SH3KBP1: variants seen among roughly 807,000 people sequenced by gnomAD.
SH3KBP1 encodes the protein SH3 domain containing kinase binding protein 1, also known as SH3 domain-containing kinase-binding protein 1.
SH3KBP1 carries 8 observed loss-of-function variants against 50.1 expected under a neutral mutation model. The observed-to-expected ratio is 0.16, with a 90% CI of 0.09 to 0.29. SH3KBP1 has a LOEUF of 0.29. Among genes scored for constraint, SH3KBP1 ranks in the 10% least tolerant of loss-of-function variants. SH3KBP1 has a pLI of 1.00. For synonymous variants in SH3KBP1, 227 were observed against 218.6 expected (o/e 1.04, Z -0.34); for missense variants, 377 against 535.2 (o/e 0.70, Z 2.92).
rs192294768 is a variant in SH3KBP1 at position 19,792,049 on chromosome X, G to A, written c.162+44076C>T. 2.7e-5 allele frequency among the ~76,000 whole-genome samples: 3 copies of A among 110,600 alleles called. No individual in the cohort carries two copies. In the Admixed American group the frequency reaches 2.9e-4, roughly 11 times the overall value. The stretch of plus-strand genomic sequence containing the variant: ...GAAGGAAAAAAAATAAGCTGGAAAG[G>A]GTGTAAGTATGCACATGGATACTCA... On this transcript the variant is annotated intron_variant, in intron 2 of 17. Coordinates refer to ENST00000397821, the MANE Select transcript of SH3KBP1 (RefSeq NM_031892.3).
chrX:19,572,855 A>C (rs1364739236), intron 12 of SH3KBP1, among the ~76,000 whole-genome samples: 1 of 112,093 alleles, frequency 8.9e-6, no homozygotes, highest in Non-Finnish European at 1.9e-5. Flanking sequence ...TTAAGGGACA[A>C]AGGCAGGTTA....
intron 2 of SH3KBP1, among the ~76,000 whole-genome samples, chrX:19,801,749 T>C (rs181273985): frequency 6.3e-5 from 7 of 111,762 alleles, no homozygotes; most frequent in Admixed American, 1.9e-4. Context: ...GTCAATATCA[T>C]GGCATGTAAA....
chrX:19,548,970 A>G (rs193232235), intron 14 of SH3KBP1, among the ~76,000 whole-genome samples: 1 of 112,484 alleles, frequency 8.9e-6, no homozygotes, highest in East Asian at 2.8e-4. Flanking sequence ...ACCCAAGTCA[A>G]TAATTTTAGA....
intron 2 of SH3KBP1, among the ~76,000 whole-genome samples, chrX:19,820,019 T>A (rs1363428752): frequency 8.9e-6 from 1 of 112,145 alleles, no homozygotes; most frequent in Non-Finnish European, 1.9e-5. Context: ...TTGGAGATTT[T>A]CTGATCTTTC....
At chrX:19,642,847 A>C (rs1487206299) in intron 7 of SH3KBP1, among the ~76,000 whole-genome samples, 1 of 111,269 alleles carries the variant, frequency 9.0e-6, no homozygotes, top group Non-Finnish European at 1.9e-5. Flanking sequence ...GTTTAACTAA[A>C]TCCTGATCAG....
At chrX:19,551,854 A>T (rs151319653) in intron 13 of SH3KBP1, among the ~76,000 whole-genome samples, 192 of 111,354 alleles carry the variant, frequency 1.7e-3, no homozygotes, top group African/African-American at 5.9e-3. Context: ...GGATGCAAAA[A>T]GCCACCATCT....
At chrX:19,593,778 G>A (rs1486655838) in intron 10 of SH3KBP1, among the ~76,000 whole-genome samples, 2 of 111,443 alleles carry the variant, frequency 1.8e-5, no homozygotes, top group South Asian at 3.7e-4. Flanking sequence ...TAATCTCCAC[G>A]GTCTCTGATC....
At chrX:19,770,043 T>C (rs1354822547) in intron 2 of SH3KBP1, among the ~76,000 whole-genome samples, 1 of 112,081 alleles carries the variant, frequency 8.9e-6, no homozygotes, top group African/African-American at 3.2e-5. Context: ...AGAAGAACCA[T>C]ATATGGCCAA....
chrX:19,846,912 G>C (rs2068381292), intron 1 of SH3KBP1, among the ~76,000 whole-genome samples: 1 of 111,440 alleles, frequency 9.0e-6, no homozygotes, highest in African/African-American at 3.3e-5. Flanking sequence ...GATAGTAAGG[G>C]GGCAGGTTGG....
At chrX:19,791,536 G>GAAA (rs11410602) in intron 2 of SH3KBP1, among the ~76,000 whole-genome samples, 13 of 76,877 alleles carry the variant, frequency 1.7e-4, no homozygotes, top group African/African-American at 4.8e-4. Flanking sequence ...CCTAGAGAAT[G>GAAA]AAAAAAAAAA....
At chrX:19,594,848 G>A in intron 10 of SH3KBP1, 101 bp downstream of exon 10, 1 of 620,095 alleles carries the variant, frequency 1.6e-6, no homozygotes, top group Non-Finnish European at 2.7e-6. Context: ...TCAATCTATG[G>A]CACTTGAACC....
At chrX:19,757,883 A>C (rs1371148918) in intron 2 of SH3KBP1, among the ~76,000 whole-genome samples, 1 of 111,810 alleles carries the variant, frequency 8.9e-6, no homozygotes, top group Non-Finnish European at 1.9e-5. Flanking sequence ...TAAAGATCCA[A>C]CAGTGTATGC....
At chrX:19,641,879 A>T (rs182541683) in intron 7 of SH3KBP1, among the ~76,000 whole-genome samples, 1,213 of 111,890 alleles carry the variant, frequency 0.011, 7 homozygotes, top group Middle Eastern at 0.019. Flanking sequence ...TCACTCTGTC[A>T]CCCAGACTGG....
At chrX:19,683,519 T>C (rs2063104128) in intron 6 of SH3KBP1, among the ~76,000 whole-genome samples, 1 of 111,176 alleles carries the variant, frequency 9.0e-6, no homozygotes, top group African/African-American at 3.3e-5. Context: ...CTTAGGCGGG[T>C]CCAGGAATGA....
intron 13 of SH3KBP1, among the ~76,000 whole-genome samples, chrX:19,552,116 G>A (rs1038415522): frequency 9.9e-5 from 11 of 111,634 alleles, no homozygotes; most frequent in Non-Finnish European, 1.7e-4. Flanking sequence ...TCCCTTAACC[G>A]GATATGCCAT....
chrX:19,801,810 T>C (rs1247521739), intron 2 of SH3KBP1, among the ~76,000 whole-genome samples: 1 of 112,070 alleles, frequency 8.9e-6, no homozygotes, highest in African/African-American at 3.3e-5. Flanking sequence ...GTGCAGTGTC[T>C]CACGCCTGTA....
intron 2 of SH3KBP1, among the ~76,000 whole-genome samples, chrX:19,822,422 A>G (rs1427344462): frequency 8.9e-6 from 1 of 111,907 alleles, no homozygotes; most frequent in Non-Finnish European, 1.9e-5. Context: ...AAGTTCACTG[A>G]TTCTTTCCTC....
At chrX:19,884,167 T>G (rs2069523807) in intron 1 of SH3KBP1, among the ~76,000 whole-genome samples, 1 of 112,343 alleles carries the variant, frequency 8.9e-6, no homozygotes. Flanking sequence ...ATTGGCCTTC[T>G]CCACTCATCT....
chrX:19,809,416 C>T (rs376130776), intron 2 of SH3KBP1, among the ~76,000 whole-genome samples: 4 of 109,981 alleles, frequency 3.6e-5, no homozygotes, highest in East Asian at 2.8e-4. Context: ...CCCAGCTACT[C>T]GGGAGGCTGA....
Sources: gnomAD v4.1 joint callset for allele counts (sites outside exome capture counted in the v4.1 genomes callset) on GRCh38, gnomAD v4.1.1 for gene constraint, MANE v1.5 for transcripts, NCBI Gene and HGNC (gene_info 2026-07-23, HGNC 2026-07-21) for gene names.